The following ATR variants were observed in gnomAD, a reference collection of about 807,000 sequenced individuals.
ATR encodes serine/threonine-protein kinase ATR.
In ATR, 142 loss-of-function variants were observed where a neutral mutation model predicts 305.3. The ratio of observed to expected loss-of-function variants is 0.47; its 90% CI spans 0.41 to 0.53. The LOEUF (loss-of-function observed/expected upper bound fraction) is 0.53. Ranked by LOEUF, ATR falls within the 20% of genes least tolerant of loss-of-function variation. The pLI is 0.00. For missense variants in ATR, 2,135 were observed against 3,133.1 expected, an observed-to-expected ratio of 0.68 and a Z score of 7.60; for synonymous variants, 1,050 against 1,068.1, an observed-to-expected ratio of 0.98 and a Z score of 0.33.
intron 36 of ATR, among the ~76,000 whole-genome samples, chr3:142,473,807 A>G (rs1478491962): frequency 1.3e-5 from 2 of 151,984 alleles, no homozygotes; most frequent in African/African-American, 4.8e-5. Context: ...CAGCCTCGCT[A>G]TGATTACAGG....
intron 12 of ATR, 44 bp from the exon 13 acceptor site, chr3:142,553,442 A>ACG: frequency 6.5e-7 from 1 of 1,540,342 alleles, no homozygotes; most frequent in Non-Finnish European, 9.0e-7. Context: ...AAACACACAC[A>ACG]CACACACACA....
At chr3:142,545,984 G>A (rs2034255554) in intron 16 of ATR, among the ~76,000 whole-genome samples, 1 of 152,246 alleles carries the variant, frequency 6.6e-6, no homozygotes. Flanking sequence ...ATGAAAAGGT[G>A]AATATCTGTT....
At chr3:142,453,792 C>T (rs949191498) in intron 45 of ATR, among the ~76,000 whole-genome samples, 2 of 152,180 alleles carry the variant, frequency 1.3e-5, no homozygotes, top group East Asian at 3.8e-4. Context: ...AGGAATCATC[C>T]TCACCCCGTC....
chr3:142,473,940 G>GT, intron 36 of ATR, among the ~76,000 whole-genome samples: 1 of 126,464 alleles, frequency 7.9e-6, no homozygotes, highest in African/African-American at 3.3e-5. Flanking sequence ...AAAGTTATTG[G>GT]ATTTTTTTTT....
chr3:142,557,180 TA>T (rs925435894), intron 8 of ATR, among the ~76,000 whole-genome samples: 1 of 152,112 alleles, frequency 6.6e-6, no homozygotes, highest in African/African-American at 2.4e-5. Flanking sequence ...TCTTTTTTTT[TA>T]ATGTGCTCTT....
rs910635641 is a variant in ATR, at chr3:142,513,639, C to A, written c.4504-1G>T. Reference sequence around the variant, plus strand: ...TTTTACTGGCAAGATCATGTCGAACCTGTAAATGCAAAATGTGTAGACAGT... The same window carrying A: ...TTTTACTGGCAAGATCATGTCGAACATGTAAATGCAAAATGTGTAGACAGT... On this transcript the variant is annotated splice_acceptor_variant, in intron 25 of 46. Transcript: ENST00000350721. LOFTEE classifies it high-confidence loss of function. The A allele has an allele frequency of 6.2e-7, 1 of 1,613,356 alleles. No homozygotes were observed. Among genetic ancestry groups the A allele is most frequent in the Non-Finnish European group, 8.5e-7 (1 of 1,179,542 alleles).
intron 16 of ATR, among the ~76,000 whole-genome samples, chr3:142,546,943 C>T (rs1301065272): frequency 6.6e-6 from 1 of 152,070 alleles, no homozygotes; most frequent in African/African-American, 2.4e-5. Context: ...TCTAGTATTC[C>T]ATTATTGGAA....
intron 27 of ATR, among the ~76,000 whole-genome samples, chr3:142,510,849 G>A (rs1282747064): frequency 6.6e-6 from 1 of 151,820 alleles, no homozygotes; most frequent in Non-Finnish European, 1.5e-5. Flanking sequence ...ATCCATTAGT[G>A]TGTGATGAAT....
intron 17 of ATR, among the ~76,000 whole-genome samples, chr3:142,542,201 CAAT>C (rs1479262645): frequency 6.6e-6 from 1 of 152,108 alleles, no homozygotes; most frequent in Non-Finnish European, 1.5e-5. Context: ...CAAGGAGACT[CAAT>C]GATGCAACTT....
chr3:142,550,425 A>G, intron 13 of ATR, 123 bp from the exon 14 acceptor site: 2 of 1,018,558 alleles, frequency 2.0e-6, no homozygotes, highest in Admixed American at 2.0e-5. Flanking sequence ...TGGTCCATTC[A>G]ATTTTTATAA....
At chr3:142,553,127 G>T in intron 13 of ATR, 100 bp downstream of exon 13, 1 of 1,433,928 alleles carries the variant, frequency 7.0e-7, no homozygotes, top group Non-Finnish European at 9.6e-7. Context: ...GAAGAAAAAA[G>T]AAAAGCAAGC....
At chr3:142,487,374 C>A (rs2031009043) in intron 35 of ATR, among the ~76,000 whole-genome samples, 1 of 152,138 alleles carries the variant, frequency 6.6e-6, no homozygotes, top group Non-Finnish European at 1.5e-5. Flanking sequence ...TCAGCTCAAG[C>A]AATCCGCCTG....
chr3:142,452,561 C>G (rs1256002033), intron 46 of ATR: 1 of 617,192 alleles, frequency 1.6e-6, no homozygotes, highest in Admixed American at 5.9e-5. Flanking sequence ...ATAATCCCAG[C>G]TACTTGGGAG....
intron 36 of ATR, among the ~76,000 whole-genome samples, chr3:142,479,947 T>C (rs1398062329): frequency 6.6e-6 from 1 of 152,250 alleles, no homozygotes; most frequent in African/African-American, 2.4e-5. Flanking sequence ...TCAGGTCCTT[T>C]AAGGATTTCT....
At chr3:142,496,291 T>TAG (rs1559937446) in intron 34 of ATR, 70 bp downstream of exon 34, 1 of 24,276 alleles carries the variant, frequency 4.1e-5, no homozygotes, top group African/African-American at 3.4e-4. Flanking sequence ...TATATATATA[T>TAG]ATATATATAT....
At chr3:142,496,839 TA>T (rs1463148547) in intron 33 of ATR, among the ~76,000 whole-genome samples, 173 bp downstream of exon 33, 4 of 152,206 alleles carry the variant, frequency 2.6e-5, no homozygotes, top group Non-Finnish European at 5.9e-5. Flanking sequence ...AAATGGTGTC[TA>T]AAAGTGATTC....
chr3:142,497,293 TACAC>T (rs1332473861), intron 32 of ATR, 101 bp from the exon 33 acceptor site: 3 of 1,216,106 alleles, frequency 2.5e-6, no homozygotes, highest in Admixed American at 2.2e-5. Context: ...GAATTTAAAA[TACAC>T]AGTTGTCTTT....
intron 19 of ATR, among the ~76,000 whole-genome samples, chr3:142,537,364 T>C (rs2033898037): frequency 6.6e-6 from 1 of 152,144 alleles, no homozygotes; most frequent in Non-Finnish European, 1.5e-5. Context: ...ATTGTTGGCA[T>C]GAGCCACCAT....
At chr3:142,568,740 C>T (rs1036957313) in intron 1 of ATR, among the ~76,000 whole-genome samples, 5 of 152,240 alleles carry the variant, frequency 3.3e-5, no homozygotes, top group Non-Finnish European at 5.9e-5. Flanking sequence ...GCTGCCTGGC[C>T]TCTCCCCGCT....
Sources: gnomAD v4.1 joint callset for allele counts (sites outside exome capture counted in the v4.1 genomes callset) on GRCh38, gnomAD v4.1.1 for gene constraint, MANE v1.5 for transcripts, NCBI Gene and HGNC (gene_info 2026-07-23, HGNC 2026-07-21) for gene names.